Variants in MED13L observed in about 807,000 individuals in gnomAD.
The protein encoded by MED13L is mediator complex subunit 13L.
In MED13L, 7 loss-of-function variants were observed where a neutral mutation model predicts 220.9. The observed-to-expected ratio is 0.03, with a 90% CI of 0.02 to 0.06. MED13L has a LOEUF of 0.06. MED13L is among the 10% of genes least tolerant of loss of function. The pLI, the probability that MED13L is intolerant of heterozygous loss-of-function variation, is 1.00. For synonymous variants in MED13L, 1,011 were observed against 1,015.2 expected (o/e 1.00, Z 0.08); for missense variants, 1,965 against 2,760.5 (o/e 0.71, Z 6.46).
chr12:115,970,131 A>AT (rs1312341681), intron 27 of MED13L, among the ~76,000 whole-genome samples: 1 of 152,156 alleles, frequency 6.6e-6, no homozygotes, highest in Non-Finnish European at 1.5e-5. Flanking sequence ...ATAAATAATC[A>AT]TTTTTTTAAA....
At chr12:116,221,133 G>A (rs774910147) in intron 2 of MED13L, among the ~76,000 whole-genome samples, 5 of 152,086 alleles carry the variant, frequency 3.3e-5, no homozygotes, top group Non-Finnish European at 7.4e-5. Context: ...TCAACGCTTT[G>A]GGAGGCTGAG....
chr12:116,121,737 C>T (rs1011510941), intron 2 of MED13L, among the ~76,000 whole-genome samples: 4 of 152,150 alleles, frequency 2.6e-5, no homozygotes, highest in Non-Finnish European at 5.9e-5. Context: ...GTCTAGACAT[C>T]AAAAACACTT....
At chr12:115,985,201 G>A (rs1877604157) in intron 19 of MED13L, among the ~76,000 whole-genome samples, 1 of 152,142 alleles carries the variant, frequency 6.6e-6, no homozygotes, top group African/African-American at 2.4e-5. Context: ...TGTAACTTAT[G>A]TTGAAGGTTC....
intron 3 of MED13L, among the ~76,000 whole-genome samples, chr12:116,106,546 T>TA (rs1873590040): frequency 6.6e-6 from 1 of 152,188 alleles, no homozygotes; most frequent in South Asian, 2.1e-4. Flanking sequence ...ATATATTCAG[T>TA]AAAAAAGATA....
intron 2 of MED13L, among the ~76,000 whole-genome samples, chr12:116,166,555 G>A (rs1442823797): frequency 6.6e-6 from 1 of 152,132 alleles, no homozygotes; most frequent in Non-Finnish European, 1.5e-5. Context: ...CTGCATTCCA[G>A]CCTGGGCAAC....
intron 2 of MED13L, among the ~76,000 whole-genome samples, chr12:116,167,472 G>A (rs1879366640): frequency 6.6e-6 from 1 of 152,068 alleles, no homozygotes; most frequent in East Asian, 1.9e-4. Flanking sequence ...TTACAGATTT[G>A]GAGGTTTAAC....
At chr12:116,074,480 T>C (rs1404085283) in intron 4 of MED13L, among the ~76,000 whole-genome samples, 1 of 152,236 alleles carries the variant, frequency 6.6e-6, no homozygotes, top group East Asian at 1.9e-4. Flanking sequence ...TTTTCTTTTA[T>C]GTCACCTAAT....
Position 116,008,770 on chromosome 12 carries a change from G to A in MED13L, c.1643C>T (p.Pro548Leu). 1 of 1,614,014 alleles carries A rather than the reference G, an allele frequency of 6.2e-7. No individual in the cohort carries two copies. The highest frequency in any genetic ancestry group is 8.5e-7 in the Non-Finnish European group (1 of 1,180,002). Residue 548 changes from proline (P) to leucine (L), a missense_variant, in exon 10 of 31, where the codon CCT (proline) becomes CTT (leucine). Coordinates refer to ENST00000281928, the MANE Select transcript of MED13L (RefSeq NM_015335.5). ...TGGCAGAGGGGATATAGGGGAATGAGGTGAATCCATAGGATTCAGATTCAT... is the reference window on the plus strand; with the variant it reads ...TGGCAGAGGGGATATAGGGGAATGAAGTGAATCCATAGGATTCAGATTCAT... ...KQMNLNPMDS[P>L]HSPISPLPPT...
intron 4 of MED13L, among the ~76,000 whole-genome samples, chr12:116,060,942 T>G (rs1043593746): frequency 6.6e-6 from 1 of 152,174 alleles, no homozygotes; most frequent in Admixed American, 6.5e-5. Flanking sequence ...AATGAGAAAC[T>G]GAAAGCTCAA....
intron 4 of MED13L, among the ~76,000 whole-genome samples, chr12:116,075,910 ATTTTTT>A (rs774757433): frequency 6.7e-5 from 9 of 134,252 alleles, no homozygotes; most frequent in African/African-American, 2.3e-4. Context: ...GAGCCAGAAG[ATTTTTT>A]TTTTTTTTTT....
intron 2 of MED13L, among the ~76,000 whole-genome samples, chr12:116,220,398 A>G (rs2138389197): frequency 6.6e-6 from 1 of 152,262 alleles, no homozygotes; most frequent in African/African-American, 2.4e-5. Flanking sequence ...CACGCGCTGG[A>G]TTTTAAAAGA....
intron 2 of MED13L, among the ~76,000 whole-genome samples, chr12:116,182,862 T>C (rs564040929): frequency 3.3e-5 from 5 of 152,260 alleles, no homozygotes; most frequent in Admixed American, 1.3e-4. Flanking sequence ...CCAGAGCACT[T>C]TGATCACCCT....
At chr12:115,964,339 A>G (rs535267600) in intron 29 of MED13L, among the ~76,000 whole-genome samples, 1 of 152,306 alleles carries the variant, frequency 6.6e-6, no homozygotes, top group South Asian at 2.1e-4. Context: ...ATGAGCCAAC[A>G]TGATCTGTAC....
Position 116,194,119 on chromosome 12 carries a change from AAAAAAAC to A in MED13L, c.310+43342_310+43348del, listed in dbSNP as rs904680375. ...AAGAGAAGATGACGGAAGGGTATTT[AAAAAAAC>A]AAAAAACAAAAAAATAACCCTGTCT... is the stretch of plus-strand genomic sequence containing the variant. On this transcript the variant is annotated intron_variant, in intron 2 of 30. Coordinates refer to ENST00000281928, the MANE Select transcript of MED13L (RefSeq NM_015335.5). Among the ~76,000 whole-genome samples the A allele has an allele frequency of 3.9e-5, 6 of 152,230 alleles. No homozygotes were observed. The South Asian group carries it at 6.2e-4, about 16-fold the overall frequency.
intron 2 of MED13L, among the ~76,000 whole-genome samples, chr12:116,130,181 T>C (rs921206941): frequency 6.6e-6 from 1 of 152,204 alleles, no homozygotes; most frequent in African/African-American, 2.4e-5. Context: ...AAAGTGATCA[T>C]ACTTGTATAA....
chr12:116,264,911 T>C (rs914608219), intron 1 of MED13L, among the ~76,000 whole-genome samples: 1 of 152,162 alleles, frequency 6.6e-6, no homozygotes, highest in African/African-American at 2.4e-5. Context: ...GAGGATTACT[T>C]GAGTCCCAGA....
chr12:116,017,547 GTTGA>G (rs1879799542), intron 7 of MED13L, among the ~76,000 whole-genome samples: 1 of 152,162 alleles, frequency 6.6e-6, no homozygotes. Flanking sequence ...GTTTAATATA[GTTGA>G]TTGATGATAA....
At chr12:116,266,476 A>G (rs1043023698) in intron 1 of MED13L, among the ~76,000 whole-genome samples, 4 of 152,192 alleles carry the variant, frequency 2.6e-5, no homozygotes, top group African/African-American at 7.2e-5. Context: ...TCTTCCACAC[A>G]GCAATCCTCT....
chr12:116,183,816 G>A (rs372964918), intron 2 of MED13L, among the ~76,000 whole-genome samples: 4 of 97,860 alleles, frequency 4.1e-5, no homozygotes, highest in Non-Finnish European at 4.4e-5. Flanking sequence ...GTGTGTGTGT[G>A]TGTATGTGTG....
Sources: allele counts gnomAD v4.1 joint callset (sites outside exome capture counted in the v4.1 genomes callset), GRCh38; gene constraint gnomAD v4.1.1; transcripts MANE v1.5; gene names NCBI Gene and HGNC (gene_info 2026-07-23, HGNC 2026-07-21).